Variants in SLC25A26 observed in about 807,000 individuals in gnomAD.
The protein encoded by SLC25A26 is mitochondrial S-adenosylmethionine carrier protein.
SLC25A26 carries 36 observed loss-of-function variants against 37.8 expected under a neutral mutation model. That is an observed-to-expected ratio of 0.95 (90% CI 0.73 to 1.26). SLC25A26 has a LOEUF of 1.26. Ranked by LOEUF, SLC25A26 falls within the 50% of genes most tolerant of loss-of-function variation. The pLI, the probability that SLC25A26 is intolerant of heterozygous loss-of-function variation, is 0.00. For missense variants in SLC25A26, 390 were observed against 331.1 expected (o/e 1.18, Z -1.38); for synonymous variants, 129 against 122.5 (o/e 1.05, Z -0.35).
intron 1 of SLC25A26, among the ~76,000 whole-genome samples, chr3:66,159,365 C>T (rs2070325834): frequency 6.6e-6 from 1 of 152,184 alleles, no homozygotes; most frequent in South Asian, 2.1e-4. Flanking sequence ...CTCATTTTCC[C>T]ACCAAGCCTG....
chr3:66,337,121 A>G (rs75878873), intron 5 of SLC25A26, among the ~76,000 whole-genome samples: 6,842 of 152,210 alleles, frequency 0.045, 523 homozygotes, highest in African/African-American at 0.15. Flanking sequence ...TGAATTTTGC[A>G]TTACAGTCAC....
At chr3:66,259,049 C>T (rs888797657) in intron 3 of SLC25A26, among the ~76,000 whole-genome samples, 3 of 152,076 alleles carry the variant, frequency 2.0e-5, no homozygotes, top group African/African-American at 7.2e-5. Flanking sequence ...TTTGATTAGC[C>T]AGACCTAACT....
At chr3:66,220,948 T>G, upstream of SLC25A26, 1 of 845,076 alleles carries the variant, frequency 1.2e-6, no homozygotes, top group Non-Finnish European at 1.9e-6. Flanking sequence ...GTGTCTCGCG[T>G]TGCACGTGCA....
chr3:66,201,731 A>G (rs1034340264), intron 1 of SLC25A26, among the ~76,000 whole-genome samples: 3 of 152,212 alleles, frequency 2.0e-5, no homozygotes, highest in Non-Finnish European at 4.4e-5. Flanking sequence ...TGCATGTTGC[A>G]TATAAGGAAT....
intron 1 of SLC25A26, among the ~76,000 whole-genome samples, chr3:66,164,194 C>A (rs1426767321): frequency 6.6e-6 from 1 of 152,200 alleles, no homozygotes; most frequent in Admixed American, 6.5e-5. Flanking sequence ...ATTTTTCCAG[C>A]TGCAATTAAC....
At chr3:66,210,304 A>G (rs1179393074) in intron 1 of SLC25A26, among the ~76,000 whole-genome samples, 1 of 151,926 alleles carries the variant, frequency 6.6e-6, no homozygotes, top group African/African-American at 2.4e-5. Context: ...AGTTCTGGGG[A>G]AAAAATATGA....
Position 66,307,387 on chromosome 3 carries a change from G to A in SLC25A26, c.454-38977G>A, listed in dbSNP as rs9853934. 5.7e-3 allele frequency among the ~76,000 whole-genome samples: 861 copies of A among 151,086 alleles called. 8 individuals are homozygous for A. The highest frequency in any genetic ancestry group is 0.02 in the African/African-American group (814 of 41,216). On this transcript the variant is annotated intron_variant, in intron 5 of 9. Coordinates refer to ENST00000354883, the MANE Select transcript of SLC25A26 (RefSeq NM_001379210.1). Reference sequence around the variant, plus strand: ...TCTTGTAAATTTATTTAAGTTCCTTGTAGATTCTGGATATTAACCCTTTGT... The same window carrying A: ...TCTTGTAAATTTATTTAAGTTCCTTATAGATTCTGGATATTAACCCTTTGT...
chr3:66,328,953 A>G (rs1424963645), intron 5 of SLC25A26, among the ~76,000 whole-genome samples: 1 of 152,190 alleles, frequency 6.6e-6, no homozygotes, highest in Non-Finnish European at 1.5e-5. Flanking sequence ...AATCCAAAAT[A>G]TGTGCCACCT....
intron 1 of SLC25A26, among the ~76,000 whole-genome samples, chr3:66,224,966 A>G (rs916732704): frequency 6.6e-6 from 1 of 152,308 alleles, no homozygotes; most frequent in East Asian, 1.9e-4. Context: ...CGCTGCTGTA[A>G]GAGGTGGGTT....
chr3:66,137,540 C>A (rs956252897), intron 1 of SLC25A26, among the ~76,000 whole-genome samples: 3 of 151,796 alleles, frequency 2.0e-5, no homozygotes, highest in Admixed American at 1.3e-4. Flanking sequence ...ACACTATGAT[C>A]TTGAACATCC....
At chr3:66,206,023 T>A (rs1029161169) in intron 1 of SLC25A26, among the ~76,000 whole-genome samples, 3 of 152,192 alleles carry the variant, frequency 2.0e-5, no homozygotes. Flanking sequence ...TGGGAACCTC[T>A]GAGAAACTAC....
chr3:66,209,124 A>T (rs1436247794), intron 1 of SLC25A26, among the ~76,000 whole-genome samples: 1 of 84,380 alleles, frequency 1.2e-5, no homozygotes, highest in African/African-American at 4.3e-5. Context: ...ACACAAAAAG[A>T]TATATATACC....
intron 5 of SLC25A26, among the ~76,000 whole-genome samples, chr3:66,295,192 C>T (rs1215309253): frequency 1.3e-5 from 2 of 151,960 alleles, no homozygotes; most frequent in Non-Finnish European, 2.9e-5. Context: ...ATGATTTTGC[C>T]AACTTGGATG....
intron 5 of SLC25A26, among the ~76,000 whole-genome samples, chr3:66,334,107 T>G (rs1316184898): frequency 1.3e-5 from 2 of 152,332 alleles, no homozygotes; most frequent in East Asian, 3.9e-4. Context: ...GCATTTGGCA[T>G]GGAAACTAGA....
chr3:66,360,503 T>C (rs1178115627), intron 6 of SLC25A26, among the ~76,000 whole-genome samples: 1 of 151,988 alleles, frequency 6.6e-6, no homozygotes, highest in Admixed American at 6.6e-5. Flanking sequence ...TGATGAGCTT[T>C]ATAAAAAAAA....
intron 5 of SLC25A26, among the ~76,000 whole-genome samples, chr3:66,294,488 A>T (rs968933824): frequency 5.3e-5 from 8 of 152,096 alleles, no homozygotes; most frequent in African/African-American, 1.9e-4. Flanking sequence ...GTGGTGTTGA[A>T]TTTTATTGAA....
intron 1 of SLC25A26, among the ~76,000 whole-genome samples, chr3:66,204,068 A>G (rs2071142224): frequency 1.3e-5 from 2 of 152,188 alleles, no homozygotes; most frequent in Admixed American, 1.3e-4. Flanking sequence ...ATAATGAGAT[A>G]ATTGACCTAA....
At chr3:66,208,935 T>C (rs2071223872) in intron 1 of SLC25A26, among the ~76,000 whole-genome samples, 1 of 124,254 alleles carries the variant, frequency 8.0e-6, no homozygotes, top group African/African-American at 3.0e-5. Flanking sequence ...TACATACACA[T>C]ATATATACAT....
In SLC25A26 at chr3:66,377,803, C is replaced by T. The variant is rs1700763876; in HGVS notation, c.821C>T (p.Pro274Leu). The T allele has an allele frequency of 1.2e-6, 2 of 1,612,478 alleles. No individual in the cohort carries two copies. The highest frequency in any genetic ancestry group is 1.1e-5 in the South Asian group (1 of 91,044). The change falls in exon 10 of 10, where the codon CCT becomes CTT. Residue 274 changes from proline (P) to leucine (L), a missense_variant. Transcript: ENST00000354883. ...SLLLEVGRKS[P>L] ...CTGTTGGAAGTTGGCAGAAAGAGTCCTTGAAGCAGAGACAAGCCTCACCTC... is the reference window on the plus strand; with the variant it reads ...CTGTTGGAAGTTGGCAGAAAGAGTCTTTGAAGCAGAGACAAGCCTCACCTC...
Sources: gnomAD v4.1 joint callset for allele counts (sites outside exome capture counted in the v4.1 genomes callset) on GRCh38, gnomAD v4.1.1 for gene constraint, MANE v1.5 for transcripts, NCBI Gene and HGNC (gene_info 2026-07-23, HGNC 2026-07-21) for gene names.